ATP2A2: variants seen among roughly 807,000 people sequenced by gnomAD.
The protein encoded by ATP2A2 is ATPase sarcoplasmic/endoplasmic reticulum Ca2+ transporting 2, also known as sarcoplasmic/endoplasmic reticulum calcium ATPase 2.
ATP2A2 carries 14 observed loss-of-function variants against 109.3 expected under a neutral mutation model. The observed-to-expected ratio is 0.13, with a 90% confidence interval of 0.08 to 0.20. ATP2A2 has a LOEUF of 0.20. ATP2A2 is among the 10% of genes least tolerant of loss of function. ATP2A2 has a pLI of 1.00. For synonymous variants in ATP2A2, 506 were observed against 490.9 expected, an observed-to-expected ratio of 1.03 and a Z score of -0.41; for missense variants, 657 against 1,321.6, an observed-to-expected ratio of 0.50 and a Z score of 7.80.
At chr12:110,284,977 T>C (rs909123640) in intron 3 of ATP2A2, among the ~76,000 whole-genome samples, 1 of 152,212 alleles carries the variant, frequency 6.6e-6, no homozygotes, top group African/African-American at 2.4e-5. Context: ...GAAAGAGCAC[T>C]GACTCTCTTT....
chr12:110,307,005 C>T (rs1405088982), intron 5 of ATP2A2, among the ~76,000 whole-genome samples: 1 of 152,052 alleles, frequency 6.6e-6, no homozygotes, highest in Non-Finnish European at 1.5e-5. Flanking sequence ...GTGATTCACC[C>T]ACCTTGGCCT....
chr12:110,306,592 C>T (rs1875360405), intron 5 of ATP2A2, among the ~76,000 whole-genome samples: 1 of 152,150 alleles, frequency 6.6e-6, no homozygotes, highest in South Asian at 2.1e-4. Flanking sequence ...TTAGCTCCTA[C>T]TTACAAGTGA....
intron 5 of ATP2A2, among the ~76,000 whole-genome samples, chr12:110,311,819 C>T (rs187836066): frequency 1.3e-5 from 2 of 151,304 alleles, no homozygotes; most frequent in Non-Finnish European, 2.9e-5. Flanking sequence ...AGGAGGATCA[C>T]TTGAGCCCAG....
At chr12:110,299,817 C>G (rs1874360424) in intron 5 of ATP2A2, among the ~76,000 whole-genome samples, 1 of 152,074 alleles carries the variant, frequency 6.6e-6, no homozygotes. Context: ...AGAGATGGGT[C>G]TTGCCATGTT....
intron 9 of ATP2A2, 130 bp from the exon 10 acceptor site, chr12:110,333,051 T>A: frequency 2.4e-6 from 2 of 834,726 alleles, no homozygotes; most frequent in South Asian, 2.7e-5. Flanking sequence ...TCAAATTGTT[T>A]GGAATTTTTT....
intron 5 of ATP2A2, among the ~76,000 whole-genome samples, chr12:110,310,071 G>C (rs1401934446): frequency 6.6e-6 from 1 of 152,022 alleles, no homozygotes; most frequent in Non-Finnish European, 1.5e-5. Context: ...TTGTTTTTAA[G>C]CTTTCTGTAT....
At chr12:110,290,171 C>T (rs1873110285) in intron 3 of ATP2A2, among the ~76,000 whole-genome samples, 2 of 152,318 alleles carry the variant, frequency 1.3e-5, no homozygotes, top group Non-Finnish European at 2.9e-5. Flanking sequence ...TTCAGTAGTA[C>T]CACTGAAAAG....
intron 5 of ATP2A2, among the ~76,000 whole-genome samples, chr12:110,318,538 A>T (rs1007681451): frequency 2.0e-5 from 3 of 152,132 alleles, no homozygotes; most frequent in African/African-American, 7.2e-5. Context: ...GAGTGGCGCA[A>T]CTTCGGCTCA....
rs1005244000 is a variant in ATP2A2, at chr12:110,317,027, A to G, written c.464-5965A>G. On this transcript the variant is annotated intron_variant, in intron 5 of 19. Coordinates refer to ENST00000539276, the MANE Select transcript of ATP2A2 (RefSeq NM_170665.4). ...GCAAACCACAGTAGTATAATGGGGT[A>G]TTGTGTAATGTTCCTTCCCTGTTCA... 4.6e-5 allele frequency among the ~76,000 whole-genome samples: 7 copies of G among 152,192 alleles called. No homozygotes were observed. The East Asian group carries it at 1.2e-3, about 25-fold the overall frequency.
chr12:110,347,711 G>A lies in ATP2A2; in HGVS notation c.*1241G>A. 8.6e-7 allele frequency: 1 copy of A among 1,164,722 alleles called. No homozygotes were observed. The allele number at this position is 1,164,722 out of a possible 1,614,324, so 72.1% of individuals were successfully genotyped here. A position where few individuals can be genotyped will look rare whatever the true frequency, so the allele number is the denominator to read the frequency against. On this transcript the variant is annotated 3_prime_UTR_variant, in exon 20 of 20. Transcript: ENST00000539276. ...CAATGTTTGCGCATGTTCGAGATGA[G>A]TCTCACCAACAGTGTGTAAGTCATT...
chr12:110,321,857 C>T (rs1429990979), intron 5 of ATP2A2, among the ~76,000 whole-genome samples: 1 of 152,194 alleles, frequency 6.6e-6, no homozygotes, highest in African/African-American at 2.4e-5. Context: ...TCACTTTGTA[C>T]ACACATCAAG....
At chr12:110,292,465 C>T (rs1199903950) in intron 4 of ATP2A2, among the ~76,000 whole-genome samples, 1 of 152,120 alleles carries the variant, frequency 6.6e-6, no homozygotes. Context: ...GACAGGGTTT[C>T]ACCATGTTGG....
intron 3 of ATP2A2, among the ~76,000 whole-genome samples, chr12:110,283,992 A>G (rs1026582328): frequency 2.0e-5 from 3 of 152,218 alleles, no homozygotes; most frequent in African/African-American, 7.2e-5. Context: ...TTTTACATAA[A>G]TCCTGCTATG....
intron 6 of ATP2A2, among the ~76,000 whole-genome samples, chr12:110,323,940 G>A (rs1419403491): frequency 1.3e-5 from 2 of 152,196 alleles, no homozygotes; most frequent in Non-Finnish European, 2.9e-5. Flanking sequence ...CACTGGAGGA[G>A]TGCTAATGTT....
chr12:110,282,490 A>C (rs1012756151), intron 1 of ATP2A2, 114 bp from the exon 2 acceptor site: 1 of 1,370,988 alleles, frequency 7.3e-7, no homozygotes, highest in Non-Finnish European at 1.0e-6. Context: ...AAAGATATTG[A>C]TGCTTAGAAT....
At position 110,282,421 on chromosome 12, in the gene ATP2A2, C is replaced by T. The variant is rs116170389; in HGVS notation, c.119-183C>T. The stretch of plus-strand genomic sequence containing the variant: ...AAGAGTGCATGCTTCCTTGAGATAT[C>T]TTCGTGGTATGCCCTCTGCTAAAAA... On this transcript the variant is annotated intron_variant, in intron 1 of 19. Transcript: ENST00000539276. Among the ~76,000 whole-genome samples, 879 of 152,290 alleles carry T rather than the reference C, an allele frequency of 5.8e-3. 14 individuals are homozygous for T. Among genetic ancestry groups the T allele is most frequent in the African/African-American group, 0.019 (806 of 41,538 alleles).
At chr12:110,318,773 C>G (rs1473614911) in intron 5 of ATP2A2, among the ~76,000 whole-genome samples, 1 of 152,196 alleles carries the variant, frequency 6.6e-6, no homozygotes, top group Non-Finnish European at 1.5e-5. Context: ...CGTGCCCAGT[C>G]TATGGCAGGT....
intron 5 of ATP2A2, among the ~76,000 whole-genome samples, chr12:110,306,650 T>G (rs1246271143): frequency 6.6e-6 from 1 of 152,200 alleles, no homozygotes. Context: ...AGGATAATAG[T>G]CTCTGGCTGC....
chr12:110,318,433 A>G (rs1319710475), intron 5 of ATP2A2, among the ~76,000 whole-genome samples: 1 of 152,194 alleles, frequency 6.6e-6, no homozygotes, highest in African/African-American at 2.4e-5. Flanking sequence ...GTTGGTCAAG[A>G]TGATGTGATG....
Sources: allele counts gnomAD v4.1 joint callset (sites outside exome capture counted in the v4.1 genomes callset), GRCh38; gene constraint gnomAD v4.1.1; transcripts MANE v1.5; gene names NCBI Gene and HGNC (gene_info 2026-07-23, HGNC 2026-07-21).